TSNARE1: variants seen among roughly 807,000 people sequenced by gnomAD.
The protein encoded by TSNARE1 is t-SNARE domain containing 1.
In TSNARE1, 49 loss-of-function variants were observed where a neutral mutation model predicts 62.0. The ratio of observed to expected loss-of-function variants is 0.79; its 90% CI spans 0.63 to 1.00. The LOEUF is 1.00. Ranked by LOEUF, TSNARE1 falls within the 50% of genes least tolerant of loss-of-function variation. The probability of loss-of-function intolerance (pLI) is 0.00; values close to 1 mark genes in which losing one functional copy is unlikely to be tolerated. For synonymous variants in TSNARE1, 328 were observed against 294.4 expected, an observed-to-expected ratio of 1.11 and a Z score of -1.17; for missense variants, 755 against 700.1, an observed-to-expected ratio of 1.08 and a Z score of -0.88.
intron 1 of TSNARE1, among the ~76,000 whole-genome samples, chr8:142,375,963 C>A (rs964207273): frequency 7.2e-5 from 11 of 152,166 alleles, no homozygotes; most frequent in African/African-American, 1.4e-4. Flanking sequence ...GATCTGGCTG[C>A]CCCTCCAGGT....
chr8:142,274,922 A>G, intron 11 of TSNARE1, 59 bp from the exon 12 acceptor site: 1 of 1,440,844 alleles, frequency 6.9e-7, no homozygotes, highest in Non-Finnish European at 9.2e-7. Context: ...CCCCGCCCTG[A>G]GGACACCCCC....
intron 10 of TSNARE1, among the ~76,000 whole-genome samples, chr8:142,298,186 C>T (rs966310988): frequency 3.9e-5 from 6 of 152,244 alleles, no homozygotes; most frequent in Admixed American, 2.0e-4. Flanking sequence ...GCTTTCCTCC[C>T]GCCCTGGCCC....
intron 2 of TSNARE1, among the ~76,000 whole-genome samples, chr8:142,353,060 C>T (rs1834316905): frequency 6.6e-6 from 1 of 152,120 alleles, no homozygotes; most frequent in African/African-American, 2.4e-5. Flanking sequence ...CCTCCATCCA[C>T]ACCGGCCCGT....
intron 9 of TSNARE1, among the ~76,000 whole-genome samples, chr8:142,304,576 G>A (rs1826351447): frequency 6.6e-6 from 1 of 152,240 alleles, no homozygotes; most frequent in African/African-American, 2.4e-5. Context: ...TGAGGGCTCA[G>A]GAACACTGCC....
chr8:142,337,451 G>A (rs901441226), intron 4 of TSNARE1, among the ~76,000 whole-genome samples: 1 of 152,236 alleles, frequency 6.6e-6, no homozygotes, highest in African/African-American at 2.4e-5. Flanking sequence ...ATCGATAAGT[G>A]GAAACGCAGG....
intron 10 of TSNARE1, among the ~76,000 whole-genome samples, chr8:142,285,344 G>A (rs1230085697): frequency 1.5e-5 from 2 of 135,322 alleles, no homozygotes; most frequent in African/African-American, 5.7e-5. Flanking sequence ...GGACAGATGG[G>A]TGAGTAGATG....
At chr8:142,329,548 G>A (rs997796949) in intron 6 of TSNARE1, among the ~76,000 whole-genome samples, 4 of 152,162 alleles carry the variant, frequency 2.6e-5, no homozygotes, top group East Asian at 1.9e-4. Flanking sequence ...CTGAAGAGAC[G>A]GGAGAGCCAC....
chr8:142,257,341 C>A (rs376276101), intron 12 of TSNARE1, among the ~76,000 whole-genome samples: 4 of 152,134 alleles, frequency 2.6e-5, no homozygotes, highest in Admixed American at 1.3e-4. Context: ...GAGGGGCCTG[C>A]GGAGGGCAGG....
chr8:142,375,739 G>A (rs368012368), intron 1 of TSNARE1, among the ~76,000 whole-genome samples: 7 of 152,292 alleles, frequency 4.6e-5, no homozygotes, highest in East Asian at 1.9e-4. Flanking sequence ...CAAACTCCCC[G>A]CACAGAGACC....
At chr8:142,341,005 G>A (rs939575831) in intron 4 of TSNARE1, among the ~76,000 whole-genome samples, 1 of 152,226 alleles carries the variant, frequency 6.6e-6, no homozygotes, top group Non-Finnish European at 1.5e-5. Context: ...TCAAAGACGA[G>A]GTATGCAATT....
At chr8:142,264,303 A>C (rs1819031514) in intron 12 of TSNARE1, among the ~76,000 whole-genome samples, 1 of 152,226 alleles carries the variant, frequency 6.6e-6, no homozygotes, top group Non-Finnish European at 1.5e-5. Context: ...GAAGTGTTCT[A>C]CACATTACTG....
At chr8:142,267,321 G>A (rs9657472) in intron 12 of TSNARE1, among the ~76,000 whole-genome samples, 62,652 of 152,046 alleles carry the variant, frequency 0.41, 14,120 homozygotes, top group African/African-American at 0.59. Context: ...ATCCACAGGT[G>A]GACCTGGTGC....
At chr8:142,357,235 C>T (rs1234537324) in intron 1 of TSNARE1, among the ~76,000 whole-genome samples, 2 of 152,206 alleles carry the variant, frequency 1.3e-5, no homozygotes, top group South Asian at 2.1e-4. Flanking sequence ...CCTCACGCCC[C>T]GTGAGACCTC....
intron 9 of TSNARE1, among the ~76,000 whole-genome samples, chr8:142,313,595 CTA>C (rs772584087): frequency 1.5e-4 from 22 of 151,680 alleles, no homozygotes; most frequent in Admixed American, 2.6e-4. Flanking sequence ...GCATGTGTCT[CTA>C]TGTGTGTTTA....
At chr8:142,285,593 G>A (rs1822595476) in intron 10 of TSNARE1, among the ~76,000 whole-genome samples, 1 of 150,724 alleles carries the variant, frequency 6.6e-6, no homozygotes, top group Admixed American at 6.6e-5. Context: ...TGAATGGACG[G>A]TATGTGGATG....
At chr8:142,401,531 T>G (rs893080658) in intron 1 of TSNARE1, among the ~76,000 whole-genome samples, 2 of 152,158 alleles carry the variant, frequency 1.3e-5, no homozygotes, top group African/African-American at 4.8e-5. Flanking sequence ...TGGAAGAGAC[T>G]TAGGGACACC....
chr8:142,313,432 G>T (rs1261935784), intron 9 of TSNARE1, among the ~76,000 whole-genome samples: 1 of 144,590 alleles, frequency 6.9e-6, no homozygotes, highest in African/African-American at 2.6e-5. Flanking sequence ...TTATCTGCAT[G>T]TTGTCTACAT....
chr8:142,381,749 C>G (rs1031612295), intron 1 of TSNARE1, among the ~76,000 whole-genome samples: 9 of 152,216 alleles, frequency 5.9e-5, no homozygotes, highest in African/African-American at 2.2e-4. Flanking sequence ...AAGTCCCCAA[C>G]CCCAGATGAC....
chr8:142,342,708 G>A (rs543249159), intron 4 of TSNARE1, among the ~76,000 whole-genome samples: 1 of 151,450 alleles, frequency 6.6e-6, no homozygotes, highest in East Asian at 1.9e-4. Context: ...ACCACAGCAA[G>A]AGCTCAGACG....
Sources: gnomAD v4.1 joint callset for allele counts (sites outside exome capture counted in the v4.1 genomes callset) on GRCh38, gnomAD v4.1.1 for gene constraint, MANE v1.5 for transcripts, NCBI Gene and HGNC (gene_info 2026-07-23, HGNC 2026-07-21) for gene names.